The following DOCK2 variants were observed in gnomAD, a reference collection of about 807,000 sequenced individuals.
The protein encoded by DOCK2 is dedicator of cytokinesis 2, also known as dedicator of cytokinesis protein 2.
Under a neutral mutation model 248.9 loss-of-function variants are expected in DOCK2, and 87 were observed. That is an observed-to-expected ratio of 0.35 (90% CI 0.29 to 0.42). The LOEUF is 0.42. Ranked by LOEUF, DOCK2 falls within the 10% of genes least tolerant of loss-of-function variation. The pLI, the probability that DOCK2 is intolerant of heterozygous loss-of-function variation, is 1.00. For missense variants in DOCK2, 1,747 were observed against 2,300.2 expected (o/e 0.76, Z 4.92); for synonymous variants, 805 against 821.6 (o/e 0.98, Z 0.35).
intron 27 of DOCK2, among the ~76,000 whole-genome samples, chr5:169,856,882 C>T (rs985843158): frequency 6.6e-6 from 1 of 152,176 alleles, no homozygotes; most frequent in Non-Finnish European, 1.5e-5. Context: ...GTAGAGGTCA[C>T]CATGTTTAAC....
rs114098294 is a variant in DOCK2 at position 170,082,840 on chromosome 5, G to C, written c.5475G>C (p.Ser1825=). ...SAEEGKQIPD[S]LSTDL ...AAGAAGGCAAACAGATCCCAGACTC[G>C]CTGTCCACGGACCTGTGAGCTGCTG... The change falls in exon 52 of 52, where the codon TCG becomes TCC. Residue 1825 remains serine (S), a synonymous_variant. Coordinates refer to ENST00000520908, the MANE Select transcript of DOCK2 (RefSeq NM_004946.3). 2 of 1,614,054 alleles carry C rather than the reference G, an allele frequency of 1.2e-6. No homozygotes were observed. The highest frequency in any genetic ancestry group is 2.7e-5 in the African/African-American group (2 of 74,936).
At chr5:169,762,191 C>T (rs998255018) in intron 25 of DOCK2, among the ~76,000 whole-genome samples, 1 of 152,138 alleles carries the variant, frequency 6.6e-6, no homozygotes, top group Non-Finnish European at 1.5e-5. Flanking sequence ...CATGGCTAAT[C>T]CCAGTCCCTT....
At chr5:169,765,102 A>ACACACC (rs749426179) in intron 25 of DOCK2, among the ~76,000 whole-genome samples, 18 of 147,848 alleles carry the variant, frequency 1.2e-4, no homozygotes, top group Middle Eastern at 3.5e-3. Flanking sequence ...ACACACACAC[A>ACACACC]CCCCACACAC....
chr5:169,848,713 C>T (rs1770461971), intron 27 of DOCK2, among the ~76,000 whole-genome samples: 1 of 152,136 alleles, frequency 6.6e-6, no homozygotes, highest in Admixed American at 6.5e-5. Flanking sequence ...GGCCTAATTA[C>T]CCCGGTTTTC....
At chr5:169,644,202 T>G (rs1283678417) in intron 1 of DOCK2, among the ~76,000 whole-genome samples, 1 of 151,964 alleles carries the variant, frequency 6.6e-6, no homozygotes, top group African/African-American at 2.4e-5. Context: ...ATTGCAGGAT[T>G]TGGAGTAGAA....
chr5:169,853,493 T>G (rs948796343), intron 27 of DOCK2, among the ~76,000 whole-genome samples: 7 of 152,230 alleles, frequency 4.6e-5, no homozygotes, highest in African/African-American at 1.4e-4. Context: ...TGTGTAGCCA[T>G]TAAATGATAT....
At chr5:169,657,111 T>C (rs1758165518) in intron 2 of DOCK2, among the ~76,000 whole-genome samples, 1 of 152,228 alleles carries the variant, frequency 6.6e-6, no homozygotes, top group Non-Finnish European at 1.5e-5. Flanking sequence ...TCATATCTCC[T>C]GGTACGCAAA....
At chr5:169,885,508 C>T (rs1355995897) in intron 27 of DOCK2, among the ~76,000 whole-genome samples, 11 of 152,222 alleles carry the variant, frequency 7.2e-5, no homozygotes, top group Admixed American at 7.2e-4. Context: ...GGACAAAATT[C>T]TCCCCTGATG....
chr5:170,069,615 A>T (rs1334515901), intron 46 of DOCK2, among the ~76,000 whole-genome samples: 1 of 151,696 alleles, frequency 6.6e-6, no homozygotes, highest in Non-Finnish European at 1.5e-5. Flanking sequence ...CCCTACTCCC[A>T]CTTCTCCTCC....
At chr5:170,003,840 T>TCACCTCTAAGAGCGCTA (rs1754924207) in intron 30 of DOCK2, among the ~76,000 whole-genome samples, 1 of 152,204 alleles carries the variant, frequency 6.6e-6, no homozygotes, top group Non-Finnish European at 1.5e-5. Flanking sequence ...TGACCACTGC[T>TCACCTCTAAGAGCGCTA]CACCTCTAAG....
intron 27 of DOCK2, among the ~76,000 whole-genome samples, chr5:169,941,805 G>T (rs1776256621): frequency 6.6e-6 from 1 of 152,174 alleles, no homozygotes; most frequent in South Asian, 2.1e-4. Flanking sequence ...GCAGGGATGG[G>T]ACAGGGGCAT....
chr5:170,056,910 G>A (rs1390806439), intron 43 of DOCK2, 142 bp downstream of exon 43: 28 of 706,502 alleles, frequency 4.0e-5, no homozygotes, highest in East Asian at 1.9e-4. Context: ...CATGACGTCC[G>A]TTCCCCAATC....
intron 26 of DOCK2, among the ~76,000 whole-genome samples, chr5:169,838,769 C>T (rs1367363365): frequency 6.6e-6 from 1 of 152,168 alleles, no homozygotes; most frequent in Non-Finnish European, 1.5e-5. Flanking sequence ...GGCAGAGGTT[C>T]TGTTGGTGGC....
chr5:169,754,891 A>G (rs1343882428), intron 23 of DOCK2, among the ~76,000 whole-genome samples: 2 of 144,940 alleles, frequency 1.4e-5, no homozygotes, highest in Admixed American at 6.9e-5. Context: ...TGGCATGTAA[A>G]CAGTTTCCAA....
At chr5:169,925,346 C>T (rs1775380779) in intron 27 of DOCK2, among the ~76,000 whole-genome samples, 1 of 152,116 alleles carries the variant, frequency 6.6e-6, no homozygotes, top group South Asian at 2.1e-4. Context: ...TGTTGAGAGG[C>T]TGAGGTGGGC....
intron 32 of DOCK2, among the ~76,000 whole-genome samples, chr5:170,010,995 C>A (rs1181486464): frequency 6.6e-6 from 1 of 152,188 alleles, no homozygotes; most frequent in Non-Finnish European, 1.5e-5. Flanking sequence ...AAGATGTTAC[C>A]AAATATTCCA....
At chr5:169,761,403 C>T (rs1391976439) in intron 24 of DOCK2, 116 bp from the exon 25 acceptor site, 2 of 771,650 alleles carry the variant, frequency 2.6e-6, no homozygotes, top group Non-Finnish European at 4.4e-6. Context: ...ACCTCATGCT[C>T]TGCCAGGACT....
intron 27 of DOCK2, among the ~76,000 whole-genome samples, chr5:169,978,392 T>TGG (rs150934804): frequency 4.4e-4 from 10 of 22,732 alleles, no homozygotes; most frequent in African/African-American, 5.7e-4. Flanking sequence ...TGTGTGTGTG[T>TGG]GGGGGGGGGG....
chr5:169,833,255 C>T (rs1769346001), intron 26 of DOCK2, among the ~76,000 whole-genome samples: 1 of 152,106 alleles, frequency 6.6e-6, no homozygotes, highest in Non-Finnish European at 1.5e-5. Context: ...AACAAAATCA[C>T]CTCACTTCTA....
Sources: allele counts gnomAD v4.1 joint callset (sites outside exome capture counted in the v4.1 genomes callset), GRCh38; gene constraint gnomAD v4.1.1; transcripts MANE v1.5; gene names NCBI Gene and HGNC (gene_info 2026-07-23, HGNC 2026-07-21).